Variants in SPON1 observed in about 807,000 individuals in gnomAD.
SPON1 encodes spondin 1.
Under a neutral mutation model 111.7 loss-of-function variants are expected in SPON1, and 52 were observed. The ratio of observed to expected loss-of-function variants is 0.47; its 90% CI spans 0.37 to 0.59. SPON1 has a LOEUF of 0.59. SPON1 is among the 20% of genes least tolerant of loss of function. The probability of loss-of-function intolerance (pLI) is 0.00; values close to 1 mark genes in which losing one functional copy is unlikely to be tolerated. For synonymous variants in SPON1, 410 were observed against 395.8 expected, an observed-to-expected ratio of 1.04 and a Z score of -0.43; for missense variants, 957 against 1,068.5, an observed-to-expected ratio of 0.90 and a Z score of 1.46.
At chr11:14,117,234 G>T (rs1170991666) in intron 5 of SPON1, among the ~76,000 whole-genome samples, 1 of 152,066 alleles carries the variant, frequency 6.6e-6, no homozygotes, top group Non-Finnish European at 1.5e-5. Flanking sequence ...AATAGAAGTG[G>T]CAATAATGGA....
chr11:14,047,828 A>G (rs962393003), intron 3 of SPON1, among the ~76,000 whole-genome samples: 1 of 152,236 alleles, frequency 6.6e-6, no homozygotes, highest in Admixed American at 6.5e-5. Flanking sequence ...TTGCTAAATC[A>G]TAGAGTCCCT....
At chr11:14,081,305 C>T (rs1848960274) in intron 5 of SPON1, among the ~76,000 whole-genome samples, 1 of 152,122 alleles carries the variant, frequency 6.6e-6, no homozygotes, top group African/African-American at 2.4e-5. Flanking sequence ...TATTCTCAAG[C>T]CACTCAGCGG....
At chr11:14,133,122 A>G (rs1481925521) in intron 5 of SPON1, among the ~76,000 whole-genome samples, 1 of 152,194 alleles carries the variant, frequency 6.6e-6, no homozygotes, top group Non-Finnish European at 1.5e-5. Flanking sequence ...CACATAGGAT[A>G]CTGCCTTAGC....
chr11:14,147,297 G>C (rs1383173120), intron 6 of SPON1, among the ~76,000 whole-genome samples: 1 of 151,954 alleles, frequency 6.6e-6, no homozygotes, highest in Non-Finnish European at 1.5e-5. Context: ...GCCTCCCAAA[G>C]TGCTGGGATT....
rs1848112877 is a variant in SPON1 at position 13,977,665 on chromosome 11, G to A, written c.239-5182G>A. ...TTCACTCTTAATGGTATCTTTTGAT[G>A]AGCAAAAGTTTGATATCACCCCATT... is the stretch of plus-strand genomic sequence containing the variant. On this transcript the variant is annotated intron_variant, in intron 1 of 15. Transcript: ENST00000576479. Among the ~76,000 whole-genome samples the A allele has an allele frequency of 2.0e-5, 3 of 152,192 alleles. No individual in the cohort carries two copies. The South Asian group carries it at 6.2e-4, about 32-fold the overall frequency.
chr11:14,182,033 C>T (rs1469553541), intron 6 of SPON1, among the ~76,000 whole-genome samples: 1 of 152,098 alleles, frequency 6.6e-6, no homozygotes, highest in East Asian at 1.9e-4. Flanking sequence ...ATGAGGCAAC[C>T]ATGACAGCTA....
intron 1 of SPON1, among the ~76,000 whole-genome samples, chr11:13,982,270 A>G (rs1225660124): frequency 1.3e-5 from 2 of 152,114 alleles, no homozygotes; most frequent in Non-Finnish European, 2.9e-5. Context: ...GGGTCTTGGC[A>G]TGTGTCTTGG....
intron 6 of SPON1, among the ~76,000 whole-genome samples, chr11:14,236,046 G>A (rs1437090645): frequency 6.6e-6 from 1 of 152,176 alleles, no homozygotes; most frequent in Non-Finnish European, 1.5e-5. Flanking sequence ...TGGAGGGTGT[G>A]GGGGACCAGA....
Position 13,962,968 on chromosome 11 carries a change from C to A in SPON1, c.64C>A (p.Pro22Thr). Reference sequence around the variant, plus strand: ...TCCGGCACTGCTGGCCCTGGCGCTGCCCCTGGCCGCGGCGCTGGCCTTCTC... The same window carrying A: ...TCCGGCACTGCTGGCCCTGGCGCTGACCCTGGCCGCGGCGCTGGCCTTCTC... ...RTPALLALAL[P>T]LAAALAFSDE... Residue 22 changes from proline (P) to threonine (T), a missense_variant, in exon 1 of 16, where the codon CCC becomes ACC. Around this residue, in one of 5 missense-constraint regions of SPON1, gnomAD observed 262 missense variants for 253.9 expected, o/e 1.03. Coordinates refer to ENST00000576479, the MANE Select transcript of SPON1 (RefSeq NM_006108.4). 6.3e-7 allele frequency: 1 copy of A among 1,592,602 alleles called. No homozygotes were observed.
chr11:14,135,644 G>T lies in SPON1; in HGVS notation c.825+76G>T. 2.0e-6 allele frequency: 3 copies of T among 1,476,800 alleles called. No homozygotes were observed. Among genetic ancestry groups the T allele is most frequent in the Non-Finnish European group, 2.8e-6 (3 of 1,074,874 alleles). The allele number at this position is 1,476,800 out of a possible 1,614,324, so 91.5% of individuals were successfully genotyped here. On this transcript the variant is annotated intron_variant, in intron 6 of 15. Coordinates refer to ENST00000576479, the MANE Select transcript of SPON1 (RefSeq NM_006108.4). The surrounding 1 kb of genome is among the most constrained non-coding windows in gnomAD (Gnocchi z 4.4). ...CACTCCTTAGATATCTTTCCCAGGG[G>T]CTTGAAATTTGCAGTACAATGTGGT...
In SPON1 at chr11:14,084,763, C is replaced by T. The variant is rs1287826112; in HGVS notation, c.676+4742C>T. 5.9e-5 allele frequency among the ~76,000 whole-genome samples: 9 copies of T among 152,190 alleles called. No individual in the cohort carries two copies. The South Asian group carries it at 1.7e-3, about 28-fold the overall frequency. Reference sequence around the variant, plus strand: ...TGGTTGAACTAATTTACACTCCCACCAACAGTGTGAAAGCATTCCTATTTC... The same window carrying T: ...TGGTTGAACTAATTTACACTCCCACTAACAGTGTGAAAGCATTCCTATTTC... On this transcript the variant is annotated intron_variant, in intron 5 of 15. Transcript: ENST00000576479.
intron 2 of SPON1, among the ~76,000 whole-genome samples, chr11:14,038,333 G>A (rs782101033): frequency 2.0e-5 from 3 of 152,090 alleles, no homozygotes; most frequent in Non-Finnish European, 4.4e-5. Context: ...GTCAGACGTG[G>A]TGGTGGGCAC....
chr11:13,971,972 G>A (rs376072645), intron 1 of SPON1, among the ~76,000 whole-genome samples: 1 of 152,156 alleles, frequency 6.6e-6, no homozygotes, highest in Non-Finnish European at 1.5e-5. Context: ...TCACACATCT[G>A]TCCAAGGTTC....
chr11:14,029,894 G>A (rs1301497584), intron 2 of SPON1, among the ~76,000 whole-genome samples: 18 of 152,306 alleles, frequency 1.2e-4, no homozygotes, highest in Admixed American at 9.8e-4. Context: ...GCTATTATCA[G>A]TCCCCATTTT....
At chr11:13,971,955 G>A (rs1848066345) in intron 1 of SPON1, among the ~76,000 whole-genome samples, 1 of 152,168 alleles carries the variant, frequency 6.6e-6, no homozygotes, top group Admixed American at 6.5e-5. Context: ...TGCCTACCAT[G>A]TAACTTTCAC....
intron 1 of SPON1, among the ~76,000 whole-genome samples, chr11:13,969,231 AAAAAAT>A (rs1848043878): frequency 6.8e-6 from 1 of 146,654 alleles, no homozygotes; most frequent in African/African-American, 2.7e-5. Context: ...AAAAAAAAAA[AAAAAAT>A]TAGCTGGCTG....
At chr11:14,110,895 C>T (rs1206006834) in intron 5 of SPON1, among the ~76,000 whole-genome samples, 2 of 152,202 alleles carry the variant, frequency 1.3e-5, no homozygotes, top group African/African-American at 4.8e-5. Context: ...TCACACCTGC[C>T]CTAGGCTATT....
chr11:14,241,184 T>C (rs1192423456), intron 6 of SPON1, among the ~76,000 whole-genome samples: 1 of 152,132 alleles, frequency 6.6e-6, no homozygotes, highest in Non-Finnish European at 1.5e-5. Context: ...AGGGTTGCTG[T>C]TGAAGTAGAC....
chr11:14,215,244 A>C (rs1554937066), intron 6 of SPON1, among the ~76,000 whole-genome samples: 2 of 152,148 alleles, frequency 1.3e-5, no homozygotes, highest in African/African-American at 4.8e-5. Flanking sequence ...ATATGTCATC[A>C]GTGGCTCCCT....
Sources: gnomAD v4.1 joint callset for allele counts (sites outside exome capture counted in the v4.1 genomes callset) on GRCh38, gnomAD v4.1.1 for gene constraint, gnomAD v4.1.1 regional missense constraint, Gnocchi (gnomAD v3.1) non-coding constraint, MANE v1.5 for transcripts, NCBI Gene and HGNC (gene_info 2026-07-23, HGNC 2026-07-21) for gene names.